Variants in ENPP3 observed in about 807,000 individuals in gnomAD.
The protein encoded by ENPP3 is ectonucleotide pyrophosphatase/phosphodiesterase family member 3.
ENPP3 carries 104 observed loss-of-function variants against 117.8 expected under a neutral mutation model. That is an observed-to-expected ratio of 0.88 (90% CI 0.75 to 1.04). The LOEUF (loss-of-function observed/expected upper bound fraction) is 1.04, where lower values mean the gene tolerates loss of function less well. ENPP3 is among the 50% of genes least tolerant of loss of function. ENPP3 has a pLI of 0.00. For missense variants in ENPP3, 1,026 were observed against 1,051.9 expected (o/e 0.98, Z 0.34); for synonymous variants, 380 against 349.9 (o/e 1.09, Z -0.96).
At position 131,746,870 on chromosome 6, in the gene ENPP3, C is replaced by T. The variant is rs769588681; in HGVS notation, c.2542C>T (p.Leu848Phe). The change falls in exon 25 of 25, where the codon CTT becomes TTT. Residue 848 changes from leucine (L) to phenylalanine (F), a missense_variant. By Grantham distance (22) the Leu-to-Phe change is conservative. Coordinates refer to ENST00000357639, the MANE Select transcript of ENPP3 (RefSeq NM_005021.5). ...CCGTGATGTAGAACTTCTCACTGGG[C>T]TTGACTTCTATCAGGATAAAGTGCA... ...RVRDVELLTGLDFYQDKVQPV... is the reference protein window; with the variant it reads ...RVRDVELLTGFDFYQDKVQPV... 2 of 1,613,086 alleles carry T rather than the reference C, an allele frequency of 1.2e-6. No individual in the cohort carries two copies. The highest frequency in any genetic ancestry group is 2.2e-5 in the East Asian group (1 of 44,820).
Position 131,681,101 on chromosome 6 carries a change from C to T in ENPP3, c.1012-1953C>T, listed in dbSNP as rs146518548. Among the ~76,000 whole-genome samples the T allele has an allele frequency of 9.9e-4, 151 of 152,226 alleles. 1 individual carries two copies. In the South Asian group the frequency reaches 0.012, roughly 12 times the overall value. Reference sequence around the variant, plus strand: ...TAAAAGGAACGTTATGTCATGACAACAGGTGGAAACAGTAACTCTCGCTGG... The same window carrying T: ...TAAAAGGAACGTTATGTCATGACAATAGGTGGAAACAGTAACTCTCGCTGG... On this transcript the variant is annotated intron_variant, in intron 11 of 24. Coordinates refer to ENST00000357639, the MANE Select transcript of ENPP3 (RefSeq NM_005021.5).
chr6:131,693,344 A>G (rs1251611809), intron 14 of ENPP3, among the ~76,000 whole-genome samples, 153 bp from the exon 15 acceptor site: 4 of 151,976 alleles, frequency 2.6e-5, no homozygotes. Flanking sequence ...GGATCTGACT[A>G]CATTGATAAT....
chr6:131,653,756 T>A (rs1003170483), intron 5 of ENPP3, among the ~76,000 whole-genome samples: 12 of 152,114 alleles, frequency 7.9e-5, no homozygotes, highest in Admixed American at 1.3e-4. Context: ...ATTTCTTCCT[T>A]TTGAGAGCAG....
chr6:131,738,190 C>T, intron 23 of ENPP3, 27 bp downstream of exon 23: 2 of 1,591,424 alleles, frequency 1.3e-6, no homozygotes, highest in Non-Finnish European at 1.7e-6. Context: ...TTTGATTTAT[C>T]AATAGGGTCT....
chr6:131,661,411 T>A (rs559571078), intron 6 of ENPP3, among the ~76,000 whole-genome samples: 6 of 152,100 alleles, frequency 3.9e-5, no homozygotes, highest in Non-Finnish European at 5.9e-5. Context: ...ATACTAGATA[T>A]CCTAACAGAT....
intron 16 of ENPP3, among the ~76,000 whole-genome samples, chr6:131,719,133 G>A (rs1779960040): frequency 6.6e-6 from 1 of 152,070 alleles, no homozygotes; most frequent in South Asian, 2.1e-4. Context: ...GGGGTACCCT[G>A]GGGGGCAGTA....
intron 21 of ENPP3, among the ~76,000 whole-genome samples, chr6:131,734,253 G>C (rs1338623667): frequency 6.6e-6 from 1 of 152,172 alleles, no homozygotes; most frequent in African/African-American, 2.4e-5. Context: ...AGGTGAAGTA[G>C]CCAAATGAAA....
At chr6:131,672,496 C>G (rs552216322) in intron 7 of ENPP3, among the ~76,000 whole-genome samples, 1 of 152,134 alleles carries the variant, frequency 6.6e-6, no homozygotes. Context: ...TAAACAAAAA[C>G]ACTCATAAAA....
chr6:131,641,422 A>T (rs914501520), intron 1 of ENPP3, 33 bp from the exon 2 acceptor site: 5 of 1,485,672 alleles, frequency 3.4e-6, no homozygotes, highest in Non-Finnish European at 4.7e-6. Context: ...TTTTTAAAAA[A>T]TTATAAAAGT....
intron 6 of ENPP3, among the ~76,000 whole-genome samples, chr6:131,666,327 A>G (rs60048051): frequency 0.17 from 25,739 of 152,032 alleles, 2,970 homozygotes; most frequent in East Asian, 0.33. Context: ...AATATGTCTT[A>G]GTGTGGATTT....
chr6:131,726,173 G>A lies in ENPP3; in HGVS notation c.1926G>A (p.Met642Ile). The change falls in exon 20 of 25, where the codon ATG (methionine) becomes ATA (isoleucine). Residue 642 changes from methionine (M) to isoleucine (I), a missense_variant. Physicochemically the swap from Met to Ile is conservative, Grantham distance 10. Transcript: ENST00000357639. ...SGFGKAMRMP[M>I]WSSYTVPQLG... The stretch of plus-strand genomic sequence containing the variant: ...TTGGAAAAGCTATGAGGATGCCCAT[G>A]TGGAGTTCATACACAGTCCCCCAGT... 6.2e-7 allele frequency: 1 copy of A among 1,614,070 alleles called. No homozygotes were observed. Among genetic ancestry groups the A allele is most frequent in the Non-Finnish European group, 8.5e-7 (1 of 1,179,946 alleles).
At chr6:131,641,119 A>G (rs1295160675) in intron 1 of ENPP3, among the ~76,000 whole-genome samples, 2 of 152,230 alleles carry the variant, frequency 1.3e-5, no homozygotes, top group Non-Finnish European at 2.9e-5. Context: ...TGGTTTAAAA[A>G]AAATGGCCCA....
intron 6 of ENPP3, among the ~76,000 whole-genome samples, chr6:131,669,887 C>T (rs1778704201): frequency 6.6e-6 from 1 of 152,064 alleles, no homozygotes; most frequent in African/African-American, 2.4e-5. Context: ...AAGCCTGTGA[C>T]TTTTTGGATG....
At chr6:131,739,593 C>CTTTTTTTT (rs71270397) in intron 23 of ENPP3, among the ~76,000 whole-genome samples, 11 of 87,462 alleles carry the variant, frequency 1.3e-4, no homozygotes, top group East Asian at 7.9e-4. Flanking sequence ...TCATGCTCTG[C>CTTTTTTTT]TTTTTTTTTT....
chr6:131,652,873 A>G lies in ENPP3; in HGVS notation c.446A>G (p.Gln149Arg). Residue 149 changes from glutamine to arginine, a missense_variant, in exon 5 of 25, where the codon CAG (glutamine) becomes CGG (arginine). Transcript: ENST00000357639. ...WLEENCDTAQ[Q>R]SQCPEGFDLP... The stretch of plus-strand genomic sequence containing the variant: ...GAAGAAAACTGTGACACAGCCCAGC[A>G]GTCTCAGTGCCCAGAAGGGTGAGCA... 1 of 1,612,696 alleles carries G rather than the reference A, an allele frequency of 6.2e-7. No individual in the cohort carries two copies. Among genetic ancestry groups the G allele is most frequent in the Non-Finnish European group, 8.5e-7 (1 of 1,178,722 alleles).
At chr6:131,722,195 A>T in intron 17 of ENPP3, 32 bp from the exon 18 acceptor site, 2 of 1,543,304 alleles carry the variant, frequency 1.3e-6, no homozygotes, top group Non-Finnish European at 1.8e-6. Flanking sequence ...TCCAGTGTAA[A>T]GCTACTTTGA....
intron 14 of ENPP3, among the ~76,000 whole-genome samples, chr6:131,688,240 A>G (rs867736651): frequency 2.6e-5 from 4 of 152,188 alleles, no homozygotes; most frequent in South Asian, 2.1e-4. Context: ...TGATTGCTCC[A>G]CAAACTGGCT....
intron 23 of ENPP3, among the ~76,000 whole-genome samples, chr6:131,739,779 G>A (rs1165814947): frequency 6.6e-6 from 1 of 151,216 alleles, no homozygotes; most frequent in Non-Finnish European, 1.5e-5. Flanking sequence ...ACTATATAAA[G>A]ACATTTATTG....
chr6:131,726,552 T>C (rs1218897178), intron 20 of ENPP3, among the ~76,000 whole-genome samples: 3 of 152,224 alleles, frequency 2.0e-5, no homozygotes, highest in Admixed American at 1.3e-4. Context: ...TAGAAGGTGA[T>C]GATAACTAGA....
Sources: allele counts gnomAD v4.1 joint callset (sites outside exome capture counted in the v4.1 genomes callset), GRCh38; gene constraint gnomAD v4.1.1; transcripts MANE v1.5; gene names NCBI Gene and HGNC (gene_info 2026-07-23, HGNC 2026-07-21).